HS6ST3: variants seen among roughly 807,000 people sequenced by gnomAD.
The protein encoded by HS6ST3 is heparan-sulfate 6-O-sulfotransferase 3.
In HS6ST3, 12 loss-of-function variants were observed where a neutral mutation model predicts 36.7. That is an observed-to-expected ratio of 0.33 (90% CI 0.21 to 0.53). The LOEUF (loss-of-function observed/expected upper bound fraction) is 0.53. Among genes scored for constraint, HS6ST3 ranks in the 20% least tolerant of loss-of-function variants. The pLI is 0.95. For synonymous variants in HS6ST3, 240 were observed against 257.5 expected (o/e 0.93, Z 0.65); for missense variants, 584 against 640.9 (o/e 0.91, Z 0.96).
chr13:96,309,964 A>G (rs1472317834), intron 1 of HS6ST3, among the ~76,000 whole-genome samples: 1 of 152,178 alleles, frequency 6.6e-6, no homozygotes, highest in Non-Finnish European at 1.5e-5. Context: ...CACATTTTAC[A>G]TAAATGAAAT....
At chr13:96,654,849 A>G (rs1242023481) in intron 1 of HS6ST3, among the ~76,000 whole-genome samples, 1 of 152,150 alleles carries the variant, frequency 6.6e-6, no homozygotes, top group African/African-American at 2.4e-5. Context: ...TTAAGAACAC[A>G]CACTCTATCT....
In HS6ST3 at chr13:96,455,175, C is replaced by T. The variant is rs372161685; in HGVS notation, c.707+363606C>T. Reference sequence around the variant, plus strand: ...GGACTCTTAAGAGGGAAGTAGATCCCAATAAGTATTAGTTGCGGAAAATAA... The same window carrying T: ...GGACTCTTAAGAGGGAAGTAGATCCTAATAAGTATTAGTTGCGGAAAATAA... On this transcript the variant is annotated intron_variant, in intron 1 of 1. Transcript: ENST00000376705. 7.9e-5 allele frequency among the ~76,000 whole-genome samples: 12 copies of T among 152,236 alleles called. No homozygotes were observed. In the South Asian group the frequency reaches 1.0e-3, roughly 13 times the overall value.
At chr13:96,303,521 TG>T (rs1333282669) in intron 1 of HS6ST3, among the ~76,000 whole-genome samples, 4 of 152,062 alleles carry the variant, frequency 2.6e-5, no homozygotes, top group African/African-American at 7.2e-5. Context: ...AGGCATTCTG[TG>T]GGGGGCTGTG....
intron 1 of HS6ST3, among the ~76,000 whole-genome samples, chr13:96,204,502 A>T (rs889114317): frequency 2.0e-5 from 3 of 151,980 alleles, no homozygotes; most frequent in Non-Finnish European, 4.4e-5. Flanking sequence ...TCAAGTGGAT[A>T]GATATCTACA....
intron 1 of HS6ST3, among the ~76,000 whole-genome samples, chr13:96,127,627 G>T (rs188647968): frequency 6.6e-6 from 1 of 152,214 alleles, no homozygotes; most frequent in Non-Finnish European, 1.5e-5. Flanking sequence ...AGGCTTTCTT[G>T]GTTCTCCTTG....
At chr13:96,756,726 C>G (rs867027382) in intron 1 of HS6ST3, among the ~76,000 whole-genome samples, 2 of 152,060 alleles carry the variant, frequency 1.3e-5, no homozygotes, top group Non-Finnish European at 2.9e-5. Context: ...TATTGCTAAA[C>G]ATTTTATTTT....
intron 1 of HS6ST3, among the ~76,000 whole-genome samples, chr13:96,300,806 T>C (rs2054878345): frequency 6.6e-6 from 1 of 152,178 alleles, no homozygotes; most frequent in Non-Finnish European, 1.5e-5. Flanking sequence ...TATAGTTTAA[T>C]TTACTTTGAA....
chr13:96,242,141 T>C (rs1408412694), intron 1 of HS6ST3, among the ~76,000 whole-genome samples: 1 of 151,984 alleles, frequency 6.6e-6, no homozygotes, highest in Non-Finnish European at 1.5e-5. Flanking sequence ...ACTAAAACTT[T>C]ATGCCTGTTG....
chr13:96,257,771 G>GAATAA (rs1380027993), intron 1 of HS6ST3, among the ~76,000 whole-genome samples: 1 of 152,136 alleles, frequency 6.6e-6, no homozygotes, highest in African/African-American at 2.4e-5. Flanking sequence ...ATAAAGGAAA[G>GAATAA]AATAAAATAA....
chr13:96,594,812 A>C (rs913994210), intron 1 of HS6ST3, among the ~76,000 whole-genome samples: 1 of 152,074 alleles, frequency 6.6e-6, no homozygotes, highest in Non-Finnish European at 1.5e-5. Flanking sequence ...TCTTACTTTT[A>C]CCAGTAAGTT....
chr13:96,098,933 A>G (rs931964225), intron 1 of HS6ST3, among the ~76,000 whole-genome samples: 16 of 151,946 alleles, frequency 1.1e-4, no homozygotes, highest in Non-Finnish European at 2.1e-4. Context: ...TCTCATGCAT[A>G]TATGTTTGTT....
At chr13:96,326,806 G>C (rs1245025057) in intron 1 of HS6ST3, among the ~76,000 whole-genome samples, 5 of 151,594 alleles carry the variant, frequency 3.3e-5, no homozygotes, top group Admixed American at 2.0e-4. Context: ...CAGTGTAAAA[G>C]TGTTCCTATT....
intron 1 of HS6ST3, among the ~76,000 whole-genome samples, chr13:96,723,175 G>A (rs554387968): frequency 2.0e-5 from 3 of 152,246 alleles, no homozygotes; most frequent in African/African-American, 7.2e-5. Flanking sequence ...TTGCAGCTGG[G>A]TATGGTCATG....
chr13:96,309,143 C>A (rs774341121), intron 1 of HS6ST3, among the ~76,000 whole-genome samples: 4 of 152,082 alleles, frequency 2.6e-5, no homozygotes, highest in African/African-American at 4.8e-5. Flanking sequence ...TACCGGGATC[C>A]CATGGTACTT....
chr13:96,750,293 A>G (rs1876667691), intron 1 of HS6ST3, among the ~76,000 whole-genome samples: 1 of 152,200 alleles, frequency 6.6e-6, no homozygotes, highest in Non-Finnish European at 1.5e-5. Context: ...CACAAGCCCC[A>G]GGGAAGACCA....
chr13:96,316,797 T>C (rs1330705810), intron 1 of HS6ST3, among the ~76,000 whole-genome samples: 1 of 152,198 alleles, frequency 6.6e-6, no homozygotes, highest in African/African-American at 2.4e-5. Flanking sequence ...CTTTTCTCTC[T>C]ACTTTCTGTA....
At chr13:96,253,684 C>T (rs1472878347) in intron 1 of HS6ST3, among the ~76,000 whole-genome samples, 1 of 152,136 alleles carries the variant, frequency 6.6e-6, no homozygotes. Flanking sequence ...CCTTTCCTTC[C>T]CCCTGGCAGC....
intron 1 of HS6ST3, among the ~76,000 whole-genome samples, chr13:96,260,200 T>C (rs1462017079): frequency 1.3e-5 from 2 of 152,174 alleles, no homozygotes; most frequent in Admixed American, 6.5e-5. Context: ...TTTGAAATAT[T>C]TTCTTTTTGC....
At chr13:96,143,816 G>A (rs972438678) in intron 1 of HS6ST3, among the ~76,000 whole-genome samples, 7 of 152,062 alleles carry the variant, frequency 4.6e-5, no homozygotes, top group Non-Finnish European at 8.8e-5. Context: ...TCATATCAGG[G>A]CTTAGCAGCA....
Sources: allele counts gnomAD v4.1 joint callset (sites outside exome capture counted in the v4.1 genomes callset), GRCh38; gene constraint gnomAD v4.1.1; transcripts MANE v1.5; gene names NCBI Gene and HGNC (gene_info 2026-07-23, HGNC 2026-07-21).